The following BACH2 variants were observed in gnomAD, a reference collection of about 807,000 sequenced individuals.
The protein encoded by BACH2 is transcription regulator protein BACH2.
BACH2 carries 5 observed loss-of-function variants against 61.8 expected under a neutral mutation model. The ratio of observed to expected loss-of-function variants is 0.08; its 90% CI spans 0.04 to 0.17. The LOEUF (loss-of-function observed/expected upper bound fraction) is 0.17, where lower values mean the gene tolerates loss of function less well. BACH2 is among the 10% of genes least tolerant of loss of function. The pLI is 1.00. For missense variants in BACH2, 824 were observed against 1,091.1 expected, an observed-to-expected ratio of 0.76 and a Z score of 3.45; for synonymous variants, 446 against 440.1, an observed-to-expected ratio of 1.01 and a Z score of -0.17.
intron 5 of BACH2, among the ~76,000 whole-genome samples, chr6:90,049,340 T>C (rs1027097612): frequency 4.6e-5 from 7 of 152,166 alleles, no homozygotes; most frequent in Non-Finnish European, 8.8e-5. Flanking sequence ...GGTGCTATGA[T>C]AGGAAGTCAC....
At chr6:90,283,407 G>A (rs751505757) in intron 1 of BACH2, among the ~76,000 whole-genome samples, 19 of 148,924 alleles carry the variant, frequency 1.3e-4, no homozygotes, top group African/African-American at 4.0e-4. Flanking sequence ...ATGGAGTTTC[G>A]CTCTGTTGCC....
intron 4 of BACH2, among the ~76,000 whole-genome samples, chr6:90,141,774 C>T (rs917273120): frequency 6.6e-6 from 1 of 152,102 alleles, no homozygotes; most frequent in Non-Finnish European, 1.5e-5. Context: ...TTTCTGAAAT[C>T]ATATTTTATT....
chr6:89,981,133 CTTTT>C (rs35955706), intron 6 of BACH2, among the ~76,000 whole-genome samples: 2 of 139,034 alleles, frequency 1.4e-5, no homozygotes, highest in African/African-American at 2.6e-5. Context: ...TCGTGATTCG[CTTTT>C]TTTTTTTTTT....
At chr6:90,048,694 TA>T (rs1338995209) in intron 5 of BACH2, among the ~76,000 whole-genome samples, 2 of 152,244 alleles carry the variant, frequency 1.3e-5, no homozygotes, top group Non-Finnish European at 2.9e-5. Flanking sequence ...TTAATTATTT[TA>T]AAAATTCCCT....
chr6:90,172,641 C>A (rs1767856331), intron 4 of BACH2, among the ~76,000 whole-genome samples: 1 of 151,858 alleles, frequency 6.6e-6, no homozygotes, highest in Non-Finnish European at 1.5e-5. Context: ...TAAGTGTATA[C>A]CTAGCAAAAC....
chr6:90,116,654 C>T, intron 4 of BACH2: 1 of 287,156 alleles, frequency 3.5e-6, no homozygotes, highest in Non-Finnish European at 7.2e-6. Context: ...GTTATTCTTG[C>T]TACTTAAAAA....
At chr6:90,191,780 A>G (rs1302107554) in intron 4 of BACH2, among the ~76,000 whole-genome samples, 1 of 152,242 alleles carries the variant, frequency 6.6e-6, no homozygotes, top group East Asian at 1.9e-4. Flanking sequence ...GGGATTCCAT[A>G]AAATGGTAAT....
intron 5 of BACH2, among the ~76,000 whole-genome samples, chr6:90,033,340 T>C (rs1250585811): frequency 7.2e-6 from 1 of 139,508 alleles, no homozygotes; most frequent in African/African-American, 2.7e-5. Context: ...ACATGTACCC[T>C]GAAACTTAAA....
rs542961848 is a variant in BACH2 at position 90,178,222 on chromosome 6, A to T, written c.-162+28347T>A. 1.2e-4 allele frequency among the ~76,000 whole-genome samples: 18 copies of T among 152,288 alleles called. No individual in the cohort carries two copies. In the South Asian group the frequency reaches 3.7e-3, roughly 32 times the overall value. ...CAAACCTCGGAGAGAATGAAATGTC[A>T]GCTCTAACACTGAATTTCCCAGCTT... On this transcript the variant is annotated intron_variant, in intron 4 of 8. Transcript: ENST00000257749.
chr6:90,275,690 T>C (rs944018407), intron 1 of BACH2, among the ~76,000 whole-genome samples: 3 of 152,062 alleles, frequency 2.0e-5, no homozygotes, highest in Non-Finnish European at 4.4e-5. Context: ...GTGCCTGTTG[T>C]TCTGGATGGG....
chr6:90,167,363 C>CTTTTTT (rs11387982), intron 4 of BACH2, among the ~76,000 whole-genome samples: 1 of 150,772 alleles, frequency 6.6e-6, no homozygotes, highest in Non-Finnish European at 1.5e-5. Flanking sequence ...TTTTCTTTTT[C>CTTTTTT]TTTTTTTTTG....
chr6:89,940,976 T>A (rs1773395055), intron 7 of BACH2, among the ~76,000 whole-genome samples: 1 of 152,064 alleles, frequency 6.6e-6, no homozygotes, highest in Non-Finnish European at 1.5e-5. Flanking sequence ...GCAAATGGAC[T>A]GGACAGTGCC....
At chr6:90,205,380 T>C (rs1256113640) in intron 4 of BACH2, among the ~76,000 whole-genome samples, 2 of 152,250 alleles carry the variant, frequency 1.3e-5, no homozygotes, top group African/African-American at 4.8e-5. Context: ...CCTCCTTCTC[T>C]GGGCTTATAT....
intron 7 of BACH2, among the ~76,000 whole-genome samples, chr6:89,948,609 G>A (rs542792090): frequency 1.3e-5 from 2 of 152,300 alleles, no homozygotes; most frequent in South Asian, 4.1e-4. Flanking sequence ...CGGATGAGGT[G>A]GACGCAGTGA....
intron 5 of BACH2, among the ~76,000 whole-genome samples, chr6:90,031,145 A>T (rs1778958571): frequency 6.6e-6 from 1 of 152,078 alleles, no homozygotes; most frequent in Non-Finnish European, 1.5e-5. Flanking sequence ...CCTTTGACAA[A>T]ATTCAACAAC....
chr6:90,069,569 C>A (rs1296100327), intron 5 of BACH2, among the ~76,000 whole-genome samples: 2 of 152,076 alleles, frequency 1.3e-5, no homozygotes, highest in African/African-American at 2.4e-5. Flanking sequence ...CCAAGGGATG[C>A]AAGAATGGGA....
intron 6 of BACH2, among the ~76,000 whole-genome samples, chr6:89,981,703 C>A (rs775932095): frequency 6.6e-6 from 1 of 152,112 alleles, no homozygotes; most frequent in Non-Finnish European, 1.5e-5. Flanking sequence ...ACATTATTTT[C>A]AAGTGGATTC....
At chr6:90,132,316 AC>A (rs1784105468) in intron 4 of BACH2, among the ~76,000 whole-genome samples, 2 of 152,006 alleles carry the variant, frequency 1.3e-5, no homozygotes, top group African/African-American at 4.8e-5. Context: ...GGCTGGTCAT[AC>A]CCCCTAAACA....
chr6:90,096,606 G>A (rs1315179161), intron 4 of BACH2, among the ~76,000 whole-genome samples: 1 of 152,206 alleles, frequency 6.6e-6, no homozygotes, highest in African/African-American at 2.4e-5. Flanking sequence ...GAAGATCAGT[G>A]TTTGCAGAGT....
Sources: gnomAD v4.1 joint callset for allele counts (sites outside exome capture counted in the v4.1 genomes callset) on GRCh38, gnomAD v4.1.1 for gene constraint, MANE v1.5 for transcripts, NCBI Gene and HGNC (gene_info 2026-07-23, HGNC 2026-07-21) for gene names.